Variants in TRPM4 observed in about 807,000 individuals in gnomAD.
TRPM4 encodes transient receptor potential cation channel subfamily M member 4.
A neutral mutation model predicts 135.6 loss-of-function variants in TRPM4; 124 were observed. That is an observed-to-expected ratio of 0.91 (90% CI 0.79 to 1.06). TRPM4 has a LOEUF of 1.06. TRPM4 is among the 50% of genes least tolerant of loss of function. The probability of loss-of-function intolerance (pLI) is 0.00; values close to 1 mark genes in which losing one functional copy is unlikely to be tolerated. For synonymous variants in TRPM4, 745 were observed against 705.6 expected (o/e 1.06, Z -0.88); for missense variants, 1,658 against 1,671.4 (o/e 0.99, Z 0.14).
intron 17 of TRPM4, among the ~76,000 whole-genome samples, chr19:49,197,354 TTCTTTCTTTC>T (rs1419389115): frequency 0.019 from 1,944 of 104,206 alleles, 23 homozygotes; most frequent in African/African-American, 0.032. Flanking sequence ...CTTTCTTTCT[TTCTTTCTTTC>T]TCTCTCTTTC....
chr19:49,196,429 T>G lies in TRPM4; in HGVS notation c.2211-11T>G. On this transcript the variant is annotated splice_polypyrimidine_tract_variant and intron_variant, in intron 16 of 24. Transcript: ENST00000252826. ...GTGAGGCCTCCTCCCTTCTCTTCTC[T>G]TCCCCCACAGGACGGCGGACCCAGC... 1.3e-6 allele frequency: 2 copies of G among 1,531,478 alleles called. No individual in the cohort carries two copies. Among genetic ancestry groups the G allele is most frequent in the Non-Finnish European group, 1.8e-6 (2 of 1,142,112 alleles). The allele number at this position is 1,531,478 out of a possible 1,614,324, so 94.9% of individuals were successfully genotyped here. A position where few individuals can be genotyped will look rare whatever the true frequency, so the allele number is the denominator to read the frequency against.
intron 17 of TRPM4, among the ~76,000 whole-genome samples, chr19:49,198,723 G>A (rs1175804): frequency 0.057 from 8,494 of 148,632 alleles, 793 homozygotes; most frequent in African/African-American, 0.2. Flanking sequence ...CCTTTGTTTC[G>A]CCAGTTCCCT....
intron 4 of TRPM4, 57 bp downstream of exon 4, chr19:49,168,154 C>T (rs903372186): frequency 1.0e-5 from 16 of 1,594,106 alleles, no homozygotes; most frequent in Admixed American, 5.0e-5. Flanking sequence ...GCCATCTCCC[C>T]CACGACTGTG....
In TRPM4 at chr19:49,196,522, G is replaced by C; in HGVS notation, c.2293G>C (p.Gly765Arg). The change falls in exon 17 of 25, where the codon GGG (glycine) becomes CGG (arginine). Residue 765 changes from glycine (G) to arginine (R), a missense_variant. Physicochemically the swap from Gly to Arg is moderately radical, Grantham distance 125 (BLOSUM62 -2). This residue lies in a region of TRPM4 where 1,412 missense variants were observed against 1,408.7 expected (regional missense o/e 1.00). Coordinates refer to ENST00000252826, the MANE Select transcript of TRPM4 (RefSeq NM_017636.4). ...GGGTTGCTGCGGGGGCCGCTGCGGG[G>C]GGCGCCGGTGCCTACGCCGCTGGTT... ...RPGCCGGRCG[G>R]RRCLRRWFHF... The C allele has an allele frequency of 6.4e-7, 1 of 1,553,616 alleles. No individual in the cohort carries two copies. The highest frequency in any genetic ancestry group is 8.7e-7 in the Non-Finnish European group (1 of 1,153,600).
chr19:49,196,355 C>A, intron 16 of TRPM4, 85 bp from the exon 17 acceptor site: 1 of 1,330,464 alleles, frequency 7.5e-7, no homozygotes, highest in Non-Finnish European at 1.0e-6. Flanking sequence ...GTGAGATGTG[C>A]CAAGCCAAAA....
chr19:49,178,639 T>C (rs1478718619), intron 9 of TRPM4, among the ~76,000 whole-genome samples: 1 of 152,008 alleles, frequency 6.6e-6, no homozygotes, highest in African/African-American at 2.4e-5. Context: ...GATGCTGAGT[T>C]GAGTATGGAA....
At chr19:49,173,546 C>T (rs1967555960) in intron 9 of TRPM4, among the ~76,000 whole-genome samples, 2 of 152,180 alleles carry the variant, frequency 1.3e-5, no homozygotes, top group African/African-American at 4.8e-5. Context: ...GCACTGTCTC[C>T]CAGTGAGGAA....
intron 9 of TRPM4, among the ~76,000 whole-genome samples, chr19:49,176,602 C>T (rs10427053): frequency 0.27 from 41,533 of 152,076 alleles, 5,871 homozygotes; most frequent in South Asian, 0.37. Context: ...CGCCTATAAT[C>T]CCAACATTTT....
chr19:49,177,839 A>G (rs556882444), intron 9 of TRPM4, among the ~76,000 whole-genome samples: 10 of 152,162 alleles, frequency 6.6e-5, no homozygotes, highest in Non-Finnish European at 1.5e-4. Flanking sequence ...TATAATTCTC[A>G]AGCCCATTGC....
intron 2 of TRPM4, chr19:49,158,600 ATTC>A: frequency 3.6e-6 from 1 of 279,298 alleles, no homozygotes; most frequent in Non-Finnish European, 6.9e-6. Flanking sequence ...TCATTCATTC[ATTC>A]ATTCATTCAT....
chr19:49,194,018 CAT>C (rs1968520917), intron 16 of TRPM4, among the ~76,000 whole-genome samples: 2 of 147,536 alleles, frequency 1.4e-5, no homozygotes, highest in Admixed American at 6.7e-5. Context: ...TCCTCCTCCT[CAT>C]CCTCCTCCTG....
intron 14 of TRPM4, among the ~76,000 whole-genome samples, chr19:49,189,609 T>G (rs977689219): frequency 6.6e-6 from 1 of 152,068 alleles, no homozygotes; most frequent in Non-Finnish European, 1.5e-5. Context: ...GGAAATCATC[T>G]GCCTTGGGAA....
chr19:49,168,304 C>G lies in TRPM4; in HGVS notation c.493C>G (p.His165Asp). The G allele has an allele frequency of 2.5e-6, 4 of 1,614,156 alleles. No individual in the cohort carries two copies. The highest frequency in any genetic ancestry group is 3.4e-6 in the Non-Finnish European group (4 of 1,180,040). Residue 165 changes from histidine (H) to aspartate (D), a missense_variant, in exon 5 of 25, where the codon CAT becomes GAT. By Grantham distance (81) the His-to-Asp change is moderately conservative. Coordinates refer to ENST00000252826, the MANE Select transcript of TRPM4 (RefSeq NM_017636.4). Reference sequence around the variant, plus strand: ...GGGTCTGCACACGGGCATCGGCCGGCATGTTGGTGTGGCTGTACGGGACCA... The same window carrying G: ...GGGTCTGCACACGGGCATCGGCCGGGATGTTGGTGTGGCTGTACGGGACCA... ...TGGLHTGIGR[H>D]VGVAVRDHQM... is the part of the protein sequence containing the mutation.
intron 10 of TRPM4, among the ~76,000 whole-genome samples, chr19:49,182,354 G>GTCCATCCATCCA (rs71180605): frequency 3.0e-4 from 24 of 79,628 alleles, no homozygotes; most frequent in African/African-American, 9.4e-4. Flanking sequence ...CCATCCCTCT[G>GTCCATCCATCCA]TCCATCCATC....
At chr19:49,181,592 T>A in intron 10 of TRPM4, 131 bp downstream of exon 10, 1 of 659,446 alleles carries the variant, frequency 1.5e-6, no homozygotes, top group Middle Eastern at 4.2e-4. Context: ...AGTGCAGAGG[T>A]GTGATCCCAG....
chr19:49,168,023 CG>C lies in TRPM4; in HGVS notation c.380del (p.Gly127AlafsTer151), dbSNP rs746997172. 5.6e-6 allele frequency: 9 copies of C among 1,612,994 alleles called. No homozygotes were observed. Among genetic ancestry groups the C allele is most frequent in the African/African-American group, 1.3e-5 (1 of 74,922 alleles). On this transcript the variant is annotated frameshift_variant, in exon 4 of 25. Transcript: ENST00000252826. LOFTEE classifies it high-confidence loss of function. ...PNLVVSVLGG[S>X]GGPVLQTWLQ... is the part of the protein sequence containing the mutation. ...CTGGTGGTGTCAGTGCTGGGGGGAT[CG>C]GGGGGCCCCGTCCTCCAGACCTGGC...
At chr19:49,164,643 A>G (rs1378788727) in intron 2 of TRPM4, among the ~76,000 whole-genome samples, 1 of 150,816 alleles carries the variant, frequency 6.6e-6, no homozygotes, top group Non-Finnish European at 1.5e-5. Context: ...CAGCCTCCCA[A>G]AGTGCTGGGA....
intron 10 of TRPM4, 44 bp downstream of exon 10, chr19:49,181,505 C>A: frequency 7.6e-6 from 9 of 1,186,384 alleles, no homozygotes; most frequent in South Asian, 1.2e-5. Flanking sequence ...GACAAAGGGA[C>A]TGTGCTGTCC....
At chr19:49,197,696 T>G (rs1190710102) in intron 17 of TRPM4, among the ~76,000 whole-genome samples, 1 of 151,588 alleles carries the variant, frequency 6.6e-6, no homozygotes. Flanking sequence ...TTCTTTTTTT[T>G]TTTTGAGCCA....
Sources: allele counts gnomAD v4.1 joint callset (sites outside exome capture counted in the v4.1 genomes callset), GRCh38; gene constraint gnomAD v4.1.1; regional missense constraint gnomAD v4.1.1; transcripts MANE v1.5; gene names NCBI Gene and HGNC (gene_info 2026-07-23, HGNC 2026-07-21).